The following FAM117A variants were observed in gnomAD, a reference collection of about 807,000 sequenced individuals.
FAM117A encodes family with sequence similarity 117 member A.
In FAM117A, 21 loss-of-function variants were observed where a neutral mutation model predicts 44.1. The observed-to-expected ratio is 0.48, with a 90% CI of 0.34 to 0.69. FAM117A has a LOEUF of 0.69. Ranked by LOEUF, FAM117A falls within the 30% of genes least tolerant of loss-of-function variation. FAM117A has a pLI of 0.01. For missense variants in FAM117A, 498 were observed against 589.9 expected, an observed-to-expected ratio of 0.84 and a Z score of 1.61; for synonymous variants, 220 against 238.3, an observed-to-expected ratio of 0.92 and a Z score of 0.71.
In FAM117A at chr17:49,732,597, T is replaced by A. The variant is rs1430001560; in HGVS notation, c.320A>T (p.Asp107Val). ...SSYLLGQWPR[D>V]ADGAFTCCTN... ...GCAGCAGGTGAAGGCCCCATCAGCA[T>A]CTCGTGGCCACTGGCCCAGAAGGTA... is the stretch of plus-strand genomic sequence containing the variant. The change falls in exon 2 of 8, where the codon GAT (aspartate) becomes GTT (valine). Residue 107 changes from aspartate (D) to valine (V), a missense_variant. By Grantham distance (152) the Asp-to-Val change is radical. This residue lies in a region of FAM117A where 270 missense variants were observed against 277.4 expected (regional missense o/e 0.97). Transcript: ENST00000240364. The A allele has an allele frequency of 1.2e-6, 2 of 1,614,076 alleles. No homozygotes were observed. The highest frequency in any genetic ancestry group is 1.7e-6 in the Non-Finnish European group (2 of 1,179,992).
intron 2 of FAM117A, among the ~76,000 whole-genome samples, 164 bp from the exon 3 acceptor site, chr17:49,722,758 G>A (rs1598021198): frequency 6.6e-6 from 1 of 152,108 alleles, no homozygotes; most frequent in Non-Finnish European, 1.5e-5. Flanking sequence ...TTCTCCACCT[G>A]CACTCCCTCC....
intron 7 of FAM117A, among the ~76,000 whole-genome samples, chr17:49,715,952 G>T (rs921808580): frequency 6.6e-6 from 1 of 152,172 alleles, no homozygotes; most frequent in African/African-American, 2.4e-5. Flanking sequence ...GCTGGCATGT[G>T]GGCAGAGAGC....
intron 1 of FAM117A, among the ~76,000 whole-genome samples, chr17:49,737,605 T>A (rs1404715421): frequency 6.6e-6 from 1 of 152,198 alleles, no homozygotes; most frequent in African/African-American, 2.4e-5. Context: ...CTGAAGTCCC[T>A]GCAAAAATCT....
intron 2 of FAM117A, among the ~76,000 whole-genome samples, chr17:49,725,653 C>T (rs1388107606): frequency 6.6e-6 from 1 of 152,142 alleles, no homozygotes; most frequent in Non-Finnish European, 1.5e-5. Context: ...ATGAGCCTGG[C>T]ATGTTTGAGA....
chr17:49,744,192 A>G (rs1045787812), intron 1 of FAM117A, among the ~76,000 whole-genome samples: 2 of 152,192 alleles, frequency 1.3e-5, no homozygotes, highest in African/African-American at 2.4e-5. Flanking sequence ...GCAGATACCA[A>G]AAGCTATGGA....
chr17:49,722,054 G>A (rs1189053649), intron 3 of FAM117A, among the ~76,000 whole-genome samples: 1 of 152,146 alleles, frequency 6.6e-6, no homozygotes, highest in Non-Finnish European at 1.5e-5. Flanking sequence ...AGCCGAGATC[G>A]TGCCACTGTA....
At chr17:49,783,605 G>A (rs940282722) in intron 1 of FAM117A, among the ~76,000 whole-genome samples, 1 of 152,124 alleles carries the variant, frequency 6.6e-6, no homozygotes, top group Non-Finnish European at 1.5e-5. Context: ...TGTAAGAGAA[G>A]CTCCAGGCCA....
At chr17:49,775,132 C>A (rs1175260486) in intron 1 of FAM117A, among the ~76,000 whole-genome samples, 1 of 152,132 alleles carries the variant, frequency 6.6e-6, no homozygotes, top group Non-Finnish European at 1.5e-5. Context: ...GGATTACAGA[C>A]ATGTGCCACC....
intron 1 of FAM117A, among the ~76,000 whole-genome samples, chr17:49,736,796 G>A (rs1409673466): frequency 6.6e-6 from 1 of 152,130 alleles, no homozygotes; most frequent in African/African-American, 2.4e-5. Context: ...GGAATCCCCT[G>A]GAAGCAATGT....
intron 3 of FAM117A, among the ~76,000 whole-genome samples, 168 bp from the exon 4 acceptor site, chr17:49,720,604 A>AG (rs2073529507): frequency 6.6e-6 from 1 of 152,150 alleles, no homozygotes; most frequent in Non-Finnish European, 1.5e-5. Context: ...AACTGTGATG[A>AG]TCTGTTCCTC....
intron 1 of FAM117A, among the ~76,000 whole-genome samples, chr17:49,763,367 G>A (rs939647646): frequency 6.6e-6 from 1 of 152,030 alleles, no homozygotes; most frequent in East Asian, 1.9e-4. Flanking sequence ...GTGAAGTGGT[G>A]GAGAATGGAA....
chr17:49,748,442 T>G (rs1335670151), intron 1 of FAM117A, among the ~76,000 whole-genome samples: 1 of 152,186 alleles, frequency 6.6e-6, no homozygotes, highest in Admixed American at 6.5e-5. Flanking sequence ...CTGATTCTGG[T>G]TGGCCACTAC....
At chr17:49,732,816 C>T in intron 1 of FAM117A, 96 bp from the exon 2 acceptor site, 1 of 1,307,830 alleles carries the variant, frequency 7.6e-7, no homozygotes, top group South Asian at 1.3e-5. Context: ...CCTGCCTGCC[C>T]CGTCTTCACT....
chr17:49,775,721 CT>C (rs1157137756), intron 1 of FAM117A, among the ~76,000 whole-genome samples: 2 of 152,130 alleles, frequency 1.3e-5, no homozygotes, highest in East Asian at 3.9e-4. Context: ...TGGCAAAGGC[CT>C]GGTAGTCTAC....
intron 1 of FAM117A, among the ~76,000 whole-genome samples, chr17:49,771,763 A>T (rs914868610): frequency 1.3e-5 from 2 of 152,170 alleles, no homozygotes; most frequent in Admixed American, 1.3e-4. Context: ...TGGAGAGGGG[A>T]TGCTGGTTGA....
intron 1 of FAM117A, among the ~76,000 whole-genome samples, chr17:49,760,892 T>G (rs1010825118): frequency 3.3e-5 from 5 of 152,250 alleles, no homozygotes; most frequent in Admixed American, 2.6e-4. Context: ...TACCCAATAA[T>G]GGCTCTTAGC....
chr17:49,786,518 T>TTGGGA (rs1340200025), intron 1 of FAM117A, among the ~76,000 whole-genome samples: 102 of 152,132 alleles, frequency 6.7e-4, no homozygotes, highest in Admixed American at 1.7e-3. Flanking sequence ...GGCTCACACC[T>TTGGGA]GTAATCCCAG....
chr17:49,715,665 C>T (rs1489599145), intron 7 of FAM117A, among the ~76,000 whole-genome samples: 4 of 152,118 alleles, frequency 2.6e-5, no homozygotes. Flanking sequence ...ACACTTGAAC[C>T]ACTGCAGCCA....
chr17:49,722,756 C>T, intron 2 of FAM117A, among the ~76,000 whole-genome samples, 162 bp from the exon 3 acceptor site: 1 of 152,216 alleles, frequency 6.6e-6, no homozygotes, highest in Admixed American at 6.5e-5. Context: ...GCTTCTCCAC[C>T]TGCACTCCCT....
Sources: allele counts gnomAD v4.1 joint callset (sites outside exome capture counted in the v4.1 genomes callset), GRCh38; gene constraint gnomAD v4.1.1; regional missense constraint gnomAD v4.1.1; transcripts MANE v1.5; gene names NCBI Gene and HGNC (gene_info 2026-07-23, HGNC 2026-07-21).